Variants in EIF5B observed in about 807,000 individuals in gnomAD.
EIF5B encodes the protein eIF-5B.
EIF5B carries 47 observed loss-of-function variants against 147.5 expected under a neutral mutation model. The observed-to-expected ratio is 0.32, with a 90% CI of 0.25 to 0.41. EIF5B has a LOEUF of 0.41. Ranked by LOEUF, EIF5B falls within the 10% of genes least tolerant of loss-of-function variation. EIF5B has a pLI of 1.00. For synonymous variants in EIF5B, 455 were observed against 456.2 expected, an observed-to-expected ratio of 1.00 and a Z score of 0.03; for missense variants, 1,064 against 1,413.2, an observed-to-expected ratio of 0.75 and a Z score of 3.96.
Position 99,361,490 on chromosome 2 carries a change from A to G in EIF5B, c.589A>G (p.Arg197Gly). 1 of 1,613,984 alleles carries G rather than the reference A, an allele frequency of 6.2e-7. No individual in the cohort carries two copies. The highest frequency in any genetic ancestry group is 8.5e-7 in the Non-Finnish European group (1 of 1,179,986). Reference protein sequence around the residue: ...GDESDEFLQSRKGQKKNQKNK... With the variant: ...GDESDEFLQSGKGQKKNQKNK... ...TGAATCAGATGAATTTTTGCAATCT[A>G]GAAAAGGACAGAAAAAAAATCAGAA... The change falls in exon 4 of 24, where the codon AGA becomes GGA. Residue 197 changes from arginine (R) to glycine (G), a missense_variant. Physicochemically the swap from Arg to Gly is moderately radical, Grantham distance 125 (BLOSUM62 -2). This residue lies in a region of EIF5B where 458 missense variants were observed against 451.3 expected (regional missense o/e 1.01). Transcript: ENST00000289371.
chr2:99,374,576 TTA>T (rs1247495627), intron 9 of EIF5B, among the ~76,000 whole-genome samples: 3 of 152,274 alleles, frequency 2.0e-5, no homozygotes, highest in Admixed American at 6.5e-5. Flanking sequence ...TTCTTTAGTT[TTA>T]TATGTTTACT....
chr2:99,351,475 G>A (rs1673953478), intron 1 of EIF5B, among the ~76,000 whole-genome samples: 1 of 152,114 alleles, frequency 6.6e-6, no homozygotes, highest in African/African-American at 2.4e-5. Flanking sequence ...AAATACCTAG[G>A]AGTGGGATTA....
intron 1 of EIF5B, 82 bp downstream of exon 1, chr2:99,337,671 C>G: frequency 6.7e-7 from 1 of 1,501,338 alleles, no homozygotes; most frequent in Non-Finnish European, 9.0e-7. Flanking sequence ...GGCGTCGGAC[C>G]GGGGTCTGGG....
At chr2:99,339,057 A>G (rs561265534) in intron 1 of EIF5B, among the ~76,000 whole-genome samples, 29 of 147,354 alleles carry the variant, frequency 2.0e-4, no homozygotes, top group African/African-American at 7.2e-4. Context: ...CCAGACAACA[A>G]GAAACTTAGG....
intron 1 of EIF5B, among the ~76,000 whole-genome samples, chr2:99,349,114 C>T (rs961270165): frequency 6.6e-6 from 1 of 152,202 alleles, no homozygotes; most frequent in African/African-American, 2.4e-5. Context: ...GGCCTAGAAA[C>T]TATAACAAAA....
chr2:99,351,853 A>G (rs1673974496), intron 1 of EIF5B, among the ~76,000 whole-genome samples: 1 of 152,058 alleles, frequency 6.6e-6, no homozygotes. Flanking sequence ...ACGAGCCACC[A>G]TGCCCAGCTA....
intron 9 of EIF5B, among the ~76,000 whole-genome samples, chr2:99,373,221 C>T (rs766958307): frequency 1.3e-5 from 2 of 152,152 alleles, no homozygotes; most frequent in African/African-American, 2.4e-5. Flanking sequence ...ATAGCATTAT[C>T]TTAGTCCATT....
chr2:99,381,694 C>T (rs1674692838), intron 12 of EIF5B, among the ~76,000 whole-genome samples: 3 of 152,022 alleles, frequency 2.0e-5, no homozygotes, highest in Admixed American at 2.0e-4. Context: ...ACAGGGTATG[C>T]ATTTACTCTT....
intron 1 of EIF5B, among the ~76,000 whole-genome samples, chr2:99,356,892 C>T (rs1674108131): frequency 6.6e-6 from 1 of 152,174 alleles, no homozygotes; most frequent in South Asian, 2.1e-4. Flanking sequence ...TTTTCATCTA[C>T]TCCCCCTGCC....
chr2:99,399,230 C>T (rs1447995474), intron 23 of EIF5B, 77 bp from the exon 24 acceptor site: 16 of 1,337,568 alleles, frequency 1.2e-5, no homozygotes, highest in East Asian at 2.4e-5. Flanking sequence ...ACAGTGAGAG[C>T]GGGCATCTGG....
Position 99,396,987 on chromosome 2 carries a change from G to C in EIF5B, c.3393+89G>C. On this transcript the variant is annotated intron_variant, in intron 22 of 23. Coordinates refer to ENST00000289371, the MANE Select transcript of EIF5B (RefSeq NM_015904.4). Reference sequence around the variant, plus strand: ...GTACCAACACAGCTTTGTGCCTGTAGTTCACAGTACTGTGCTGTGTATTTA... The same window carrying C: ...GTACCAACACAGCTTTGTGCCTGTACTTCACAGTACTGTGCTGTGTATTTA... 2.1e-6 allele frequency: 3 copies of C among 1,457,486 alleles called. No homozygotes were observed. In the South Asian group the frequency reaches 4.1e-5, roughly 20 times the overall value. 90.3% of individuals were successfully genotyped at this position (1,457,486 alleles called of 1,614,324 possible).
At chr2:99,343,949 C>G (rs868769807) in intron 1 of EIF5B, among the ~76,000 whole-genome samples, 82 of 150,868 alleles carry the variant, frequency 5.4e-4, no homozygotes, top group African/African-American at 1.8e-3. Flanking sequence ...GACGGAGTCT[C>G]GCTCTGTCGC....
chr2:99,363,196 C>T (rs1674256620), intron 4 of EIF5B, among the ~76,000 whole-genome samples: 1 of 152,070 alleles, frequency 6.6e-6, no homozygotes, highest in African/African-American at 2.4e-5. Flanking sequence ...CTACTAATAC[C>T]CCCTAAAGTG....
chr2:99,345,818 G>A (rs560089873), intron 1 of EIF5B, among the ~76,000 whole-genome samples: 1 of 151,688 alleles, frequency 6.6e-6, no homozygotes, highest in East Asian at 2.0e-4. Flanking sequence ...TGGTGTGTGC[G>A]TGTGGTCTCA....
At chr2:99,366,818 GA>G (rs1559250631) in intron 6 of EIF5B, among the ~76,000 whole-genome samples, 2 of 152,184 alleles carry the variant, frequency 1.3e-5, no homozygotes, top group Non-Finnish European at 2.9e-5. Flanking sequence ...TAGAATACCT[GA>G]TTTCAAGACT....
Position 99,376,054 on chromosome 2 carries a change from G to T in EIF5B, c.1553-293G>T, listed in dbSNP as rs116685048. On this transcript the variant is annotated intron_variant, in intron 9 of 23. Transcript: ENST00000289371. ...CCTTACTTTAAAGCAGGCTTGTCCA[G>T]TCTGCAGCCTGTGGGCCACATGCAG... Among the ~76,000 whole-genome samples, 766 of 152,368 alleles carry T rather than the reference G, an allele frequency of 5.0e-3. 10 individuals are homozygous for T. The highest frequency in any genetic ancestry group is 0.018 in the African/African-American group (729 of 41,586).
In EIF5B at chr2:99,376,553, A is replaced by C; in HGVS notation, c.1759A>C (p.Met587Leu). The part of the protein sequence containing the change: ...KTLDKKPSKE[M>L]SSDSEYDSDD... The stretch of plus-strand genomic sequence containing the variant: ...ATTAGATAAAAAGCCAAGTAAAGAA[A>C]TGAGCTCAGATTCTGAATATGACTC... The change falls in exon 10 of 24, where the codon ATG becomes CTG. Residue 587 changes from methionine (M) to leucine (L), a missense_variant. By Grantham distance (15) the Met-to-Leu change is conservative. This residue lies in a region of EIF5B where 195 missense variants were observed against 186.3 expected (regional missense o/e 1.05). Coordinates refer to ENST00000289371, the MANE Select transcript of EIF5B (RefSeq NM_015904.4). 1.2e-6 allele frequency: 2 copies of C among 1,614,138 alleles called. No individual in the cohort carries two copies. The highest frequency in any genetic ancestry group is 1.7e-6 in the Non-Finnish European group (2 of 1,180,012).
chr2:99,375,027 G>T (rs1203037810), intron 9 of EIF5B, among the ~76,000 whole-genome samples: 1 of 151,660 alleles, frequency 6.6e-6, no homozygotes, highest in Non-Finnish European at 1.5e-5. Context: ...AATTTCATTT[G>T]TTATATTTTT....
chr2:99,344,719 G>A (rs2094268863), intron 1 of EIF5B, among the ~76,000 whole-genome samples: 1 of 152,118 alleles, frequency 6.6e-6, no homozygotes. Flanking sequence ...TTATAGATGT[G>A]AGCCACTGCA....
Sources: allele counts gnomAD v4.1 joint callset (sites outside exome capture counted in the v4.1 genomes callset), GRCh38; gene constraint gnomAD v4.1.1; regional missense constraint gnomAD v4.1.1; transcripts MANE v1.5; gene names NCBI Gene and HGNC (gene_info 2026-07-23, HGNC 2026-07-21).